PDE8B: variants seen among roughly 807,000 people sequenced by gnomAD.
PDE8B encodes phosphodiesterase 8B, also known as high affinity cAMP-specific and IBMX-insensitive 3',5'-cyclic phosphodiesterase 8B.
In PDE8B, 26 loss-of-function variants were observed where a neutral mutation model predicts 101.3. The observed-to-expected ratio is 0.26, with a 90% CI of 0.19 to 0.36. PDE8B has a LOEUF of 0.36. Among genes scored for constraint, PDE8B ranks in the 10% least tolerant of loss-of-function variants. PDE8B has a pLI of 1.00. For missense variants in PDE8B, 810 were observed against 1,163.1 expected (o/e 0.70, Z 4.42); for synonymous variants, 424 against 429.3 (o/e 0.99, Z 0.15).
chr5:77,387,289 G>A (rs1464431170), intron 10 of PDE8B, among the ~76,000 whole-genome samples: 1 of 152,118 alleles, frequency 6.6e-6, no homozygotes, highest in Non-Finnish European at 1.5e-5. Flanking sequence ...GTATTTGCTT[G>A]TCTGTAAAGG....
chr5:77,310,039 TC>T (rs1772238660), intron 1 of PDE8B, among the ~76,000 whole-genome samples: 1 of 141,146 alleles, frequency 7.1e-6, no homozygotes, highest in Non-Finnish European at 1.5e-5. Context: ...AACCTCTGCC[TC>T]CCAGGTTCAA....
the PDE8B span, chr5:77,146,958 G>A: frequency 6.6e-5 from 30 of 452,876 alleles, no homozygotes; most frequent in Admixed American, 7.7e-4. Flanking sequence ...AAAGAAATTG[G>A]AAGAGATGTG....
chr5:77,425,689 G>T, intron 20 of PDE8B, 78 bp from the exon 21 acceptor site: 3 of 1,440,382 alleles, frequency 2.1e-6, no homozygotes, highest in Non-Finnish European at 2.9e-6. Context: ...TTTTCACAGG[G>T]TTGTTCTGAG....
intron 1 of PDE8B, among the ~76,000 whole-genome samples, chr5:77,269,274 T>C (rs1031488699): frequency 8.5e-5 from 13 of 152,344 alleles, no homozygotes; most frequent in African/African-American, 3.1e-4. Context: ...TTTGTATTTC[T>C]TTTTTGAGAA....
In PDE8B at chr5:77,312,344, C is replaced by A. The variant is rs1457079882; in HGVS notation, c.399+291C>A. ...GTCTCAAACTCCTGACCTCAGGTGA[C>A]CTGCCTGCCTCGGCCTCCCAGAGTG... is the stretch of plus-strand genomic sequence containing the variant. On this transcript the variant is annotated intron_variant, in intron 2 of 21. Transcript: ENST00000264917. 2.0e-5 allele frequency among the ~76,000 whole-genome samples: 3 copies of A among 152,124 alleles called. No individual in the cohort carries two copies. In the East Asian group the frequency reaches 5.8e-4, roughly 29 times the overall value.
intron 5 of PDE8B, among the ~76,000 whole-genome samples, chr5:77,336,118 T>C (rs1289359020): frequency 6.6e-6 from 1 of 152,234 alleles, no homozygotes; most frequent in African/African-American, 2.4e-5. Flanking sequence ...CAATGTGTGC[T>C]GCATTTTCTT....
At chr5:77,109,930 T>TTTTTTTTTTTTTTTTTTTG in the PDE8B span, among the ~76,000 whole-genome samples, 3 of 82,058 alleles carry the variant, frequency 3.7e-5, no homozygotes, top group African/African-American at 1.6e-4. Flanking sequence ...TATTTCAGTT[T>TTTTTTTTTTTTTTTTTTTG]TTTTTTTTTT....
the PDE8B span, among the ~76,000 whole-genome samples, chr5:77,099,982 T>C: frequency 1.3e-5 from 2 of 152,350 alleles, no homozygotes; most frequent in African/African-American, 4.8e-5. Context: ...TCTTTTCCTA[T>C]GGAAATCATC....
chr5:77,271,103 C>A (rs1242174963), intron 1 of PDE8B, among the ~76,000 whole-genome samples: 4 of 152,206 alleles, frequency 2.6e-5, no homozygotes, highest in South Asian at 2.1e-4. Flanking sequence ...TCTCATGCCT[C>A]TTCCCAGGTC....
chr5:77,405,624 G>T (rs1793265275), intron 12 of PDE8B, among the ~76,000 whole-genome samples: 1 of 152,102 alleles, frequency 6.6e-6, no homozygotes, highest in South Asian at 2.1e-4. Context: ...GAGCCTGAAG[G>T]CATAGTCTCA....
At chr5:77,205,254 G>A in the PDE8B span, among the ~76,000 whole-genome samples, 15 of 152,320 alleles carry the variant, frequency 9.8e-5, no homozygotes, top group Admixed American at 3.3e-4. Context: ...AGAGAAAACC[G>A]TTCTATGGGC....
At chr5:77,398,872 C>T (rs1405408997) in intron 10 of PDE8B, among the ~76,000 whole-genome samples, 1 of 152,190 alleles carries the variant, frequency 6.6e-6, no homozygotes, top group African/African-American at 2.4e-5. Context: ...TTTTTGGTCT[C>T]TCAGCTCCTG....
chr5:77,189,688 G>A, the PDE8B span, among the ~76,000 whole-genome samples: 1 of 152,330 alleles, frequency 6.6e-6, no homozygotes, highest in South Asian at 2.1e-4. Context: ...TGAGCAGGAG[G>A]GGCAGCAGGA....
chr5:77,312,366 A>G (rs1384446583), intron 2 of PDE8B, among the ~76,000 whole-genome samples: 1 of 152,134 alleles, frequency 6.6e-6, no homozygotes, highest in East Asian at 1.9e-4. Context: ...GGCCTCCCAG[A>G]GTGCTGGGAT....
chr5:77,218,932 G>A (rs1026222444), intron 1 of PDE8B, among the ~76,000 whole-genome samples: 8 of 152,180 alleles, frequency 5.3e-5, no homozygotes, highest in Non-Finnish European at 1.2e-4. Context: ...GCCAATAGAT[G>A]ACTAACTGGA....
chr5:77,361,845 T>C (rs532750823), intron 10 of PDE8B, among the ~76,000 whole-genome samples: 1 of 152,248 alleles, frequency 6.6e-6, no homozygotes, highest in South Asian at 2.1e-4. Context: ...AGTGAAAATA[T>C]CAACTAACAT....
At chr5:77,286,878 T>G (rs940803107) in intron 1 of PDE8B, among the ~76,000 whole-genome samples, 3 of 152,204 alleles carry the variant, frequency 2.0e-5, no homozygotes, top group African/African-American at 7.2e-5. Context: ...AATTACAAAA[T>G]TACTTTTACC....
chr5:77,123,673 C>T, the PDE8B span, among the ~76,000 whole-genome samples: 3 of 152,142 alleles, frequency 2.0e-5, no homozygotes, highest in Admixed American at 2.0e-4. Context: ...GGGGAGGATC[C>T]CCTGAGCCTG....
intron 1 of PDE8B, among the ~76,000 whole-genome samples, chr5:77,219,818 T>TC (rs1750689025): frequency 6.6e-6 from 1 of 152,086 alleles, no homozygotes; most frequent in African/African-American, 2.4e-5. Flanking sequence ...GAAGTCTCTT[T>TC]CCCCCACAGT....
Sources: gnomAD v4.1 joint callset for allele counts (sites outside exome capture counted in the v4.1 genomes callset) on GRCh38, gnomAD v4.1.1 for gene constraint, MANE v1.5 for transcripts, NCBI Gene and HGNC (gene_info 2026-07-23, HGNC 2026-07-21) for gene names.